RALYL: variants seen among roughly 807,000 people sequenced by gnomAD.
The protein encoded by RALYL is RALY RNA binding protein like, also known as RNA-binding Raly-like protein.
In RALYL, 29 loss-of-function variants were observed where a neutral mutation model predicts 35.1. The observed-to-expected ratio is 0.83, with a 90% CI of 0.61 to 1.13. The LOEUF is 1.13. Ranked by LOEUF, RALYL falls within the 50% of genes most tolerant of loss-of-function variation. The pLI, the probability that RALYL is intolerant of heterozygous loss-of-function variation, is 0.00. For missense variants in RALYL, 359 were observed against 360.4 expected, an observed-to-expected ratio of 1.00 and a Z score of 0.03; for synonymous variants, 120 against 127.6, an observed-to-expected ratio of 0.94 and a Z score of 0.40.
At chr8:84,848,468 C>CA (rs974647173) in intron 4 of RALYL, among the ~76,000 whole-genome samples, 146 of 150,596 alleles carry the variant, frequency 9.7e-4, no homozygotes, top group African/African-American at 3.3e-3. Context: ...TATCTCATCC[C>CA]AATGGAATAT....
chr8:84,220,932 T>A (rs1822056451), intron 1 of RALYL, among the ~76,000 whole-genome samples: 2 of 152,060 alleles, frequency 1.3e-5, no homozygotes, highest in South Asian at 2.1e-4. Flanking sequence ...CATTAAAAAA[T>A]TTTTACCAAT....
chr8:84,432,383 G>A (rs1475967125), intron 1 of RALYL, among the ~76,000 whole-genome samples: 3 of 152,094 alleles, frequency 2.0e-5, no homozygotes, highest in Non-Finnish European at 4.4e-5. Flanking sequence ...GAGGGGAGGG[G>A]AGAAATAGGG....
chr8:84,578,491 A>G (rs1810037426), intron 2 of RALYL, among the ~76,000 whole-genome samples: 1 of 152,208 alleles, frequency 6.6e-6, no homozygotes. Context: ...TCCCACTTCC[A>G]GGAAGAATGA....
At chr8:84,312,868 C>T (rs934911439) in intron 1 of RALYL, among the ~76,000 whole-genome samples, 7 of 152,222 alleles carry the variant, frequency 4.6e-5, no homozygotes, top group Admixed American at 4.6e-4. Context: ...CACAGCTCCA[C>T]TAGGCTCTAC....
chr8:84,247,581 A>G (rs1829364542), intron 1 of RALYL, among the ~76,000 whole-genome samples: 1 of 152,090 alleles, frequency 6.6e-6, no homozygotes, highest in Admixed American at 6.6e-5. Context: ...GAAATTTGTA[A>G]ATATAGAATA....
intron 1 of RALYL, among the ~76,000 whole-genome samples, chr8:84,450,463 C>T (rs2049340996): frequency 6.6e-6 from 1 of 151,864 alleles, no homozygotes; most frequent in Admixed American, 6.6e-5. Flanking sequence ...TAGCAGTACT[C>T]ATTATGTCTG....
chr8:84,492,670 C>T (rs1168696662), intron 1 of RALYL, among the ~76,000 whole-genome samples: 1 of 151,068 alleles, frequency 6.6e-6, no homozygotes, highest in Non-Finnish European at 1.5e-5. Context: ...TACTGGATAC[C>T]AGAAAAAGAT....
chr8:84,584,950 G>T (rs531153921), intron 2 of RALYL, among the ~76,000 whole-genome samples: 13 of 152,224 alleles, frequency 8.5e-5, no homozygotes, highest in African/African-American at 2.6e-4. Flanking sequence ...TGAGTGGTTT[G>T]CCCTAGAGCA....
intron 1 of RALYL, among the ~76,000 whole-genome samples, chr8:84,430,240 A>T (rs1333733000): frequency 6.6e-6 from 1 of 152,120 alleles, no homozygotes; most frequent in Non-Finnish European, 1.5e-5. Context: ...TTTCAGGGTC[A>T]CCATAACTAG....
At position 84,488,103 on chromosome 8, in the gene RALYL, C is replaced by T. The variant is rs1375632786; in HGVS notation, c.-23-41196C>T. ...GGTAGAGTAACAGGAAATAATTTAT[C>T]ATGAGATGATTTATAACTCCACTTT... On this transcript the variant is annotated intron_variant, in intron 1 of 8. Coordinates refer to ENST00000521268, the MANE Select transcript of RALYL (RefSeq NM_173848.7). Among the ~76,000 whole-genome samples the T allele has an allele frequency of 2.0e-5, 3 of 152,028 alleles. No individual in the cohort carries two copies. In the South Asian group the frequency reaches 6.2e-4, roughly 31 times the overall value.
intron 3 of RALYL, among the ~76,000 whole-genome samples, chr8:84,775,853 C>A (rs1476430184): frequency 6.6e-6 from 1 of 152,230 alleles, no homozygotes; most frequent in Non-Finnish European, 1.5e-5. Context: ...TGTCCCACTT[C>A]ATGTGCTTTT....
chr8:84,858,098 A>AAATT (rs1232044530), intron 5 of RALYL, among the ~76,000 whole-genome samples: 1 of 152,110 alleles, frequency 6.6e-6, no homozygotes, highest in African/African-American at 2.4e-5. Context: ...ACTACTATTA[A>AAATT]AATTAATATT....
At chr8:84,847,375 A>G (rs557938635) in intron 4 of RALYL, among the ~76,000 whole-genome samples, 32 of 152,276 alleles carry the variant, frequency 2.1e-4, no homozygotes, top group African/African-American at 6.7e-4. Context: ...CAGGGTCCCC[A>G]GCTTCCTCCA....
At chr8:84,762,040 A>C (rs1451184471) in intron 2 of RALYL, among the ~76,000 whole-genome samples, 1 of 152,072 alleles carries the variant, frequency 6.6e-6, no homozygotes, top group African/African-American at 2.4e-5. Flanking sequence ...CGAAACTGCT[A>C]CAGGGAAGGG....
In RALYL at chr8:84,692,826, CCTT is replaced by C. The variant is rs536144480; in HGVS notation, c.257-81750_257-81748del. ...GATGTGTCAATGTAATCACAAGAATCCTTCTACTGGAGAGGAAGGAGAATCAAA... is the reference window on the plus strand; with the variant it reads ...GATGTGTCAATGTAATCACAAGAATCCTACTGGAGAGGAAGGAGAATCAAA... On this transcript the variant is annotated intron_variant, in intron 2 of 8. Coordinates refer to ENST00000521268, the MANE Select transcript of RALYL (RefSeq NM_173848.7). Among the ~76,000 whole-genome samples, 17 of 151,988 alleles carry C rather than the reference CCTT, an allele frequency of 1.1e-4. No homozygotes were observed. The East Asian group carries it at 3.1e-3, about 28-fold the overall frequency.
intron 2 of RALYL, among the ~76,000 whole-genome samples, chr8:84,746,729 A>G (rs1221599044): frequency 6.6e-6 from 1 of 152,004 alleles, no homozygotes; most frequent in African/African-American, 2.4e-5. Flanking sequence ...TTGAAGAAAT[A>G]TGGAAGAAAT....
At chr8:84,654,028 T>A (rs1033297566) in intron 2 of RALYL, among the ~76,000 whole-genome samples, 1 of 149,684 alleles carries the variant, frequency 6.7e-6, no homozygotes, top group African/African-American at 2.4e-5. Context: ...GTGGTGGTGG[T>A]TTGTTTTGTT....
At chr8:84,523,150 A>C (rs1453430449) in intron 1 of RALYL, among the ~76,000 whole-genome samples, 1 of 152,216 alleles carries the variant, frequency 6.6e-6, no homozygotes, top group Non-Finnish European at 1.5e-5. Context: ...GAATTGATAA[A>C]GGAAAGGGGT....
intron 7 of RALYL, among the ~76,000 whole-genome samples, chr8:84,876,841 G>T (rs1369696964): frequency 6.6e-6 from 1 of 151,984 alleles, no homozygotes; most frequent in Non-Finnish European, 1.5e-5. Flanking sequence ...CCATATGTTT[G>T]GTATAAGAGA....
Sources: gnomAD v4.1 joint callset for allele counts (sites outside exome capture counted in the v4.1 genomes callset) on GRCh38, gnomAD v4.1.1 for gene constraint, MANE v1.5 for transcripts, NCBI Gene and HGNC (gene_info 2026-07-23, HGNC 2026-07-21) for gene names.